The following CPNE3 variants were observed in gnomAD, a reference collection of about 807,000 sequenced individuals.
The protein encoded by CPNE3 is copine 3, also known as copine-3.
In CPNE3, 68 loss-of-function variants were observed where a neutral mutation model predicts 63.9. That is an observed-to-expected ratio of 1.06 (90% CI 0.87 to 1.30). The LOEUF is 1.30. CPNE3 is among the 50% of genes most tolerant of loss of function. The probability of loss-of-function intolerance (pLI) is 0.00; values close to 1 mark genes in which losing one functional copy is unlikely to be tolerated. For synonymous variants in CPNE3, 219 were observed against 197.5 expected, an observed-to-expected ratio of 1.11 and a Z score of -0.91; for missense variants, 665 against 578.1, an observed-to-expected ratio of 1.15 and a Z score of -1.54.
chr8:86,541,762 G>A (rs1408152738), intron 8 of CPNE3, among the ~76,000 whole-genome samples: 1 of 149,800 alleles, frequency 6.7e-6, no homozygotes, highest in Non-Finnish European at 1.5e-5. Flanking sequence ...ATTGCTTCCA[G>A]TTTGTAAAGA....
intron 4 of CPNE3, among the ~76,000 whole-genome samples, chr8:86,530,465 T>C (rs990940285): frequency 2.6e-5 from 4 of 152,184 alleles, no homozygotes; most frequent in Non-Finnish European, 5.9e-5. Context: ...CCACTGCACC[T>C]GGCCTTGAAT....
At chr8:86,555,124 C>T (rs1821292332) in intron 15 of CPNE3, 140 bp downstream of exon 15, 1 of 1,252,056 alleles carries the variant, frequency 8.0e-7, no homozygotes, top group Non-Finnish European at 1.1e-6. Flanking sequence ...TTGGGAGTAA[C>T]TTTTGTTGTT....
At chr8:86,541,999 G>T (rs1362034977) in intron 8 of CPNE3, among the ~76,000 whole-genome samples, 1 of 152,150 alleles carries the variant, frequency 6.6e-6, no homozygotes, top group Non-Finnish European at 1.5e-5. Context: ...TGTGTGTAAT[G>T]ATATGTTAAC....
intron 6 of CPNE3, among the ~76,000 whole-genome samples, chr8:86,534,454 G>C (rs1326299072): frequency 6.6e-6 from 1 of 152,116 alleles, no homozygotes; most frequent in Non-Finnish European, 1.5e-5. Flanking sequence ...TCAGGAGTTT[G>C]AGATCAGCCT....
intron 12 of CPNE3, among the ~76,000 whole-genome samples, chr8:86,549,590 G>A (rs1229521088): frequency 6.6e-6 from 1 of 152,174 alleles, no homozygotes; most frequent in African/African-American, 2.4e-5. Context: ...ATATTATTCT[G>A]TATAAATTAG....
At chr8:86,527,626 CT>C (rs1263177048) in intron 2 of CPNE3, among the ~76,000 whole-genome samples, 1 of 152,124 alleles carries the variant, frequency 6.6e-6, no homozygotes, top group African/African-American at 2.4e-5. Context: ...GTTAAAATCT[CT>C]TTAAGTGGAA....
chr8:86,522,325 C>T (rs1364642981), intron 2 of CPNE3, among the ~76,000 whole-genome samples: 1 of 152,108 alleles, frequency 6.6e-6, no homozygotes, highest in African/African-American at 2.4e-5. Flanking sequence ...ACTTTTGGAA[C>T]ACCTAGAAAG....
At chr8:86,521,393 G>A (rs1207367430) in intron 2 of CPNE3, among the ~76,000 whole-genome samples, 1 of 152,172 alleles carries the variant, frequency 6.6e-6, no homozygotes, top group Non-Finnish European at 1.5e-5. Context: ...TTTAGCCTCA[G>A]TATTAACCTT....
At chr8:86,538,810 G>A (rs915208789) in intron 7 of CPNE3, among the ~76,000 whole-genome samples, 1 of 152,152 alleles carries the variant, frequency 6.6e-6, no homozygotes, top group African/African-American at 2.4e-5. Flanking sequence ...CAGCATTGAT[G>A]ATGTCATGCT....
rs184784581 is a variant in CPNE3 at position 86,560,624 on chromosome 8, A to T, written c.*2214A>T. ...TAAAATTTAAAACATTTAATTCATG[A>T]TCATGTTCATCAGTAGATGCTATTA... On this transcript the variant is annotated 3_prime_UTR_variant, in exon 17 of 17. Coordinates refer to ENST00000517490, the MANE Select transcript of CPNE3 (RefSeq NM_003909.5). 6.6e-6 allele frequency: 1 copy of T among 152,274 alleles called. No homozygotes were observed. The highest frequency in any genetic ancestry group is 6.5e-5 in the Admixed American group (1 of 15,290). 9.4% of individuals were successfully genotyped at this position (152,274 alleles called of 1,614,324 possible).
chr8:86,516,137 A>T (rs933603559), intron 2 of CPNE3, among the ~76,000 whole-genome samples: 3 of 152,012 alleles, frequency 2.0e-5, no homozygotes, highest in African/African-American at 7.3e-5. Flanking sequence ...TCATTTTGAG[A>T]CTCTAGATGT....
chr8:86,515,939 A>G (rs1369208767), intron 2 of CPNE3, among the ~76,000 whole-genome samples: 1 of 152,200 alleles, frequency 6.6e-6, no homozygotes, highest in Non-Finnish European at 1.5e-5. Flanking sequence ...CGAAAAGGGA[A>G]CTGAAAACAG....
chr8:86,539,076 ATCTC>A (rs1471956641), intron 7 of CPNE3, among the ~76,000 whole-genome samples: 1 of 151,700 alleles, frequency 6.6e-6, no homozygotes, highest in Non-Finnish European at 1.5e-5. Context: ...TTCCTCTTTC[ATCTC>A]TCTCTTTCTC....
chr8:86,515,776 G>A (rs1439839461), intron 2 of CPNE3, among the ~76,000 whole-genome samples: 4 of 152,272 alleles, frequency 2.6e-5, no homozygotes, highest in Non-Finnish European at 4.4e-5. Flanking sequence ...TGCTTGACAC[G>A]TAGTTAGTGG....
At chr8:86,533,024 TTATCTATCTATCTATCTATCTATC>T in intron 6 of CPNE3, among the ~76,000 whole-genome samples, 1 of 145,504 alleles carries the variant, frequency 6.9e-6, no homozygotes, top group East Asian at 2.1e-4. Flanking sequence ...TTTATCTATC[TTATCTATCTATCTATCTATCTATC>T]TATCTATCTA....
intron 2 of CPNE3, among the ~76,000 whole-genome samples, chr8:86,522,537 G>C (rs1820456478): frequency 7.4e-6 from 1 of 135,334 alleles, no homozygotes; most frequent in Non-Finnish European, 1.6e-5. Context: ...CATATTACCT[G>C]ACGCCCGCTG....
rs771430825 is a variant in CPNE3, at chr8:86,540,301, A to C, written c.600A>C (p.Ser200=). ...GGCCTTTCAAGATCTCTCTTAACTC[A>C]CTGTGTTACGGAGATATGGACAAAA... is the stretch of plus-strand genomic sequence containing the variant. The part of the protein sequence containing the change: ...VWRPFKISLN[S]LCYGDMDKTI... Residue 200 remains serine (S), a synonymous_variant, in exon 8 of 17, where the codon TCA becomes TCC. Transcript: ENST00000517490. 13 of 1,593,678 alleles carry C rather than the reference A, an allele frequency of 8.2e-6. No individual in the cohort carries two copies. The highest frequency in any genetic ancestry group is 4.1e-5 in the African/African-American group (3 of 73,682).
chr8:86,536,140 A>T (rs542924152), intron 6 of CPNE3, among the ~76,000 whole-genome samples: 2 of 151,932 alleles, frequency 1.3e-5, no homozygotes, highest in South Asian at 4.2e-4. Context: ...AATAATTTTT[A>T]AAAAGTTGTG....
In CPNE3 at chr8:86,547,742, T is replaced by A. The variant is rs1158525356; in HGVS notation, c.851T>A (p.Ile284Lys). The change falls in exon 11 of 17, where the codon ATA becomes AAA. Residue 284 changes from isoleucine to lysine, a missense_variant. Ile to Lys is a moderately radical substitution (Grantham distance 102). Transcript: ENST00000517490. ...GTAGAATGCACATTCCTTGACTATA[T>A]AATGGGAGGATGTCAGCTGAATTTT... ...ITVECTFLDY[I>K]MGGCQLNFTV... 1 of 1,383,904 alleles carries A rather than the reference T, an allele frequency of 7.2e-7. No individual in the cohort carries two copies. Among genetic ancestry groups the A allele is most frequent in the East Asian group, 2.3e-5 (1 of 43,806 alleles). 85.7% of individuals were successfully genotyped at this position (1,383,904 alleles called of 1,614,324 possible). A position where few individuals can be genotyped will look rare whatever the true frequency, so the allele number is the denominator to read the frequency against.
Sources: allele counts gnomAD v4.1 joint callset (sites outside exome capture counted in the v4.1 genomes callset), GRCh38; gene constraint gnomAD v4.1.1; transcripts MANE v1.5; gene names NCBI Gene and HGNC (gene_info 2026-07-23, HGNC 2026-07-21).